Variants in CRACD observed in about 807,000 individuals in gnomAD.
CRACD encodes capping protein-inhibiting regulator of actin dynamics.
CRACD carries 56 observed loss-of-function variants against 106.8 expected under a neutral mutation model. The observed-to-expected ratio is 0.52, with a 90% CI of 0.42 to 0.66. The LOEUF is 0.66. Ranked by LOEUF, CRACD falls within the 30% of genes least tolerant of loss-of-function variation. The probability of loss-of-function intolerance (pLI) is 0.00; values close to 1 mark genes in which losing one functional copy is unlikely to be tolerated. For missense variants in CRACD, 1,730 were observed against 1,623.2 expected, an observed-to-expected ratio of 1.07 and a Z score of -1.13; for synonymous variants, 754 against 670.8, an observed-to-expected ratio of 1.12 and a Z score of -1.92.
At chr4:56,078,470 G>A (rs556911230) in intron 1 of CRACD, among the ~76,000 whole-genome samples, 1 of 152,246 alleles carries the variant, frequency 6.6e-6, no homozygotes, top group South Asian at 2.1e-4. Context: ...GCAGTGGTGT[G>A]ATCATAGCTC....
At chr4:56,143,916 A>T (rs775592384) in intron 1 of CRACD, among the ~76,000 whole-genome samples, 1 of 152,194 alleles carries the variant, frequency 6.6e-6, no homozygotes, top group African/African-American at 2.4e-5. Context: ...GAAAAGAGGA[A>T]ATTAAAGCAC....
At chr4:56,254,690 T>C (rs1226435572) in intron 2 of CRACD, among the ~76,000 whole-genome samples, 1 of 152,100 alleles carries the variant, frequency 6.6e-6, no homozygotes, top group African/African-American at 2.4e-5. Context: ...ATAGTAAAAC[T>C]AGTGACTTCT....
chr4:56,065,966 C>T (rs899920992), intron 1 of CRACD, among the ~76,000 whole-genome samples: 4 of 152,206 alleles, frequency 2.6e-5, no homozygotes, highest in African/African-American at 9.6e-5. Flanking sequence ...TGACTGGTTT[C>T]ATATGGCATC....
intron 1 of CRACD, among the ~76,000 whole-genome samples, chr4:56,136,049 T>C (rs1734989563): frequency 6.6e-6 from 1 of 152,188 alleles, no homozygotes; most frequent in Admixed American, 6.5e-5. Flanking sequence ...GAGCTTTTTT[T>C]CACTCACCAT....
At chr4:56,101,897 T>C (rs1733787225) in intron 1 of CRACD, among the ~76,000 whole-genome samples, 1 of 152,180 alleles carries the variant, frequency 6.6e-6, no homozygotes, top group African/African-American at 2.4e-5. Context: ...GTTTAGGGAT[T>C]TGTCCTTGTT....
At chr4:56,060,029 T>C (rs1321912153) in intron 1 of CRACD, among the ~76,000 whole-genome samples, 3 of 152,224 alleles carry the variant, frequency 2.0e-5, no homozygotes, top group African/African-American at 4.8e-5. Context: ...TCTTGCATAA[T>C]TGCCAAACAA....
chr4:56,138,131 A>C (rs1229105640), intron 1 of CRACD, among the ~76,000 whole-genome samples: 1 of 152,110 alleles, frequency 6.6e-6, no homozygotes, highest in Non-Finnish European at 1.5e-5. Flanking sequence ...AGAGATTTAA[A>C]TGATTGAAAC....
Position 56,314,410 on chromosome 4 carries a change from C to CGGAGCGGAGGGAGTGGAG in CRACD, c.921_922insTGGAGGGAGCGGAGGGAG (p.Glu307_Arg308insTrpArgGluArgArgGlu). The CGGAGCGGAGGGAGTGGAG allele has an allele frequency of 1.3e-6, 2 of 1,540,992 alleles. No homozygotes were observed. The highest frequency in any genetic ancestry group is 1.7e-6 in the Non-Finnish European group (2 of 1,143,526). On this transcript the variant is annotated inframe_insertion, in exon 8 of 11. Coordinates refer to ENST00000682029, the MANE Select transcript of CRACD (RefSeq NM_001393381.1). This position sits in a 1 kb window ranked among gnomAD's most constrained non-coding sequence, Gnocchi z 4.4. Reference sequence around the variant, plus strand: ...CTGGAAGCGCCAGGTTGGGAGGACGCGGAGCGGAGGGAGCGTGAGGAGCGC... The same window carrying CGGAGCGGAGGGAGTGGAG: ...CTGGAAGCGCCAGGTTGGGAGGACGCGGAGCGGAGGGAGTGGAGGGAGCGGAGGGAGCGTGAGGAGCGC...
chr4:56,315,197 G>A lies in CRACD; in HGVS notation c.1695G>A (p.Gly565=). ...LSPVTPAKDT[G]LTAAPQEPKA... Reference sequence around the variant, plus strand: ...CCGTGACGCCCGCAAAGGACACGGGGCTCACCGCTGCTCCCCAGGAACCAA... The same window carrying A: ...CCGTGACGCCCGCAAAGGACACGGGACTCACCGCTGCTCCCCAGGAACCAA... Residue 565 remains glycine, a synonymous_variant, in exon 8 of 11, where the codon GGG becomes GGA. Transcript: ENST00000682029. This position sits in a 1 kb window ranked among gnomAD's most constrained non-coding sequence, Gnocchi z 4.1. 1 of 1,591,854 alleles carries A rather than the reference G, an allele frequency of 6.3e-7. No homozygotes were observed. The highest frequency in any genetic ancestry group is 2.3e-5 in the East Asian group (1 of 44,070).
chr4:56,144,202 G>T (rs9997664), intron 1 of CRACD, among the ~76,000 whole-genome samples: 2 of 152,102 alleles, frequency 1.3e-5, no homozygotes, highest in East Asian at 1.9e-4. Flanking sequence ...AGTGGAGAAG[G>T]GGGGAGAGTT....
chr4:56,292,833 A>C (rs1020629897), intron 3 of CRACD, among the ~76,000 whole-genome samples: 2 of 152,166 alleles, frequency 1.3e-5, no homozygotes, highest in African/African-American at 4.8e-5. Flanking sequence ...CACCTCTAAA[A>C]TTTTTGAGGC....
At chr4:56,185,817 C>G (rs1737072769) in intron 2 of CRACD, among the ~76,000 whole-genome samples, 1 of 152,208 alleles carries the variant, frequency 6.6e-6, no homozygotes, top group Non-Finnish European at 1.5e-5. Flanking sequence ...TTCAGTTTAT[C>G]CCATCATCCA....
At chr4:56,097,441 C>T (rs957331005) in intron 1 of CRACD, 2 of 152,790 alleles carry the variant, frequency 1.3e-5, no homozygotes, top group Non-Finnish European at 2.9e-5. Context: ...ATCTCGGAAG[C>T]TAAGCAGGGT....
chr4:56,306,705 C>T (rs751889685), intron 4 of CRACD, among the ~76,000 whole-genome samples: 2 of 152,136 alleles, frequency 1.3e-5, no homozygotes, highest in African/African-American at 2.4e-5. Context: ...ATCTGGCCTT[C>T]CTCTACTTGC....
intron 1 of CRACD, among the ~76,000 whole-genome samples, chr4:56,075,840 T>G (rs933190636): frequency 6.6e-6 from 1 of 152,236 alleles, no homozygotes; most frequent in African/African-American, 2.4e-5. Flanking sequence ...TGAATAATAC[T>G]CTGTCATATG....
intron 2 of CRACD, among the ~76,000 whole-genome samples, chr4:56,259,592 A>G (rs949998655): frequency 1.3e-5 from 2 of 152,220 alleles, no homozygotes; most frequent in African/African-American, 4.8e-5. Context: ...TTACAGGTCC[A>G]GGAATCAAGG....
At chr4:56,133,125 C>T (rs1163352874) in intron 1 of CRACD, among the ~76,000 whole-genome samples, 1 of 152,082 alleles carries the variant, frequency 6.6e-6, no homozygotes, top group African/African-American at 2.4e-5. Flanking sequence ...ATCCTGTCAC[C>T]CAGATTTTCT....
At chr4:56,095,894 A>G (rs528847267) in intron 1 of CRACD, among the ~76,000 whole-genome samples, 1 of 152,270 alleles carries the variant, frequency 6.6e-6, no homozygotes, top group East Asian at 1.9e-4. Context: ...GTAGTGAGAT[A>G]TGGTTTTTAT....
chr4:56,300,580 A>G (rs1744314089), intron 4 of CRACD, among the ~76,000 whole-genome samples: 1 of 152,166 alleles, frequency 6.6e-6, no homozygotes, highest in African/African-American at 2.4e-5. Context: ...TTCTTGCAAT[A>G]TTATTCCTAA....
Sources: gnomAD v4.1 joint callset for allele counts (sites outside exome capture counted in the v4.1 genomes callset) on GRCh38, gnomAD v4.1.1 for gene constraint, Gnocchi (gnomAD v3.1) non-coding constraint, MANE v1.5 for transcripts, NCBI Gene and HGNC (gene_info 2026-07-23, HGNC 2026-07-21) for gene names.